The following MGLL variants were observed in gnomAD, a reference collection of about 807,000 sequenced individuals.
MGLL encodes lysophospholipase homolog.
Under a neutral mutation model 29.1 loss-of-function variants are expected in MGLL, and 7 were observed. The observed-to-expected ratio is 0.24, with a 90% CI of 0.14 to 0.45. MGLL has a LOEUF of 0.45. Ranked by LOEUF, MGLL falls within the 20% of genes least tolerant of loss-of-function variation. The pLI, the probability that MGLL is intolerant of heterozygous loss-of-function variation, is 0.99. For synonymous variants in MGLL, 148 were observed against 168.3 expected, an observed-to-expected ratio of 0.88 and a Z score of 0.93; for missense variants, 356 against 413.6, an observed-to-expected ratio of 0.86 and a Z score of 1.21.
At chr3:127,701,580 C>G (rs369269797) in intron 6 of MGLL, among the ~76,000 whole-genome samples, 1 of 152,126 alleles carries the variant, frequency 6.6e-6, no homozygotes, top group African/African-American at 2.4e-5. Context: ...CCATCCCTGC[C>G]CTCCCTTAAC....
At chr3:127,808,027 T>G (rs1398887936) in intron 2 of MGLL, among the ~76,000 whole-genome samples, 1 of 152,144 alleles carries the variant, frequency 6.6e-6, no homozygotes, top group African/African-American at 2.4e-5. Context: ...CCCAAAGTGC[T>G]GAGATTACAG....
intron 2 of MGLL, among the ~76,000 whole-genome samples, chr3:127,794,460 T>C (rs1398109199): frequency 6.6e-6 from 1 of 152,192 alleles, no homozygotes; most frequent in Non-Finnish European, 1.5e-5. Context: ...ATGTCTTATA[T>C]GATGTAAGGC....
chr3:127,698,020 G>A (rs956107488), intron 6 of MGLL, among the ~76,000 whole-genome samples: 2 of 152,224 alleles, frequency 1.3e-5, no homozygotes, highest in African/African-American at 4.8e-5. Flanking sequence ...CACAGCAGGC[G>A]CTCGGGGACT....
chr3:127,805,120 T>C (rs536568479), intron 2 of MGLL, among the ~76,000 whole-genome samples: 40 of 152,254 alleles, frequency 2.6e-4, no homozygotes, highest in Admixed American at 2.4e-3. Context: ...GTCAGAGAAG[T>C]GGTTTCCTGA....
intron 3 of MGLL, chr3:127,736,275 G>A: frequency 1.0e-6 from 1 of 985,728 alleles, no homozygotes; most frequent in Non-Finnish European, 1.2e-6. Flanking sequence ...TCTAGGATGT[G>A]AGATACTATA....
At chr3:127,756,253 T>G (rs1261143068) in intron 3 of MGLL, among the ~76,000 whole-genome samples, 1 of 152,206 alleles carries the variant, frequency 6.6e-6, no homozygotes, top group East Asian at 1.9e-4. Flanking sequence ...ATTCTGATAT[T>G]TTGGCATCTA....
chr3:127,692,000 C>A lies in MGLL; in HGVS notation c.*198G>T, dbSNP rs2075254491. 4.4e-6 allele frequency: 3 copies of A among 680,666 alleles called. No homozygotes were observed. The highest frequency in any genetic ancestry group is 1.8e-5 in the African/African-American group (1 of 55,212). The allele number at this position is 680,666 out of a possible 1,614,324, so 42.2% of individuals were successfully genotyped here. On this transcript the variant is annotated 3_prime_UTR_variant, in exon 8 of 8. Coordinates refer to ENST00000265052, the MANE Select transcript of MGLL (RefSeq NM_007283.7). Reference sequence around the variant, plus strand: ...CTCTTTTTTTGCATAAAGTGTCTAACCATTAAGGTAGGTCCAGTGTCTGAT... The same window carrying A: ...CTCTTTTTTTGCATAAAGTGTCTAAACATTAAGGTAGGTCCAGTGTCTGAT...
At chr3:127,704,222 T>G (rs1426763446) in intron 6 of MGLL, among the ~76,000 whole-genome samples, 1 of 152,158 alleles carries the variant, frequency 6.6e-6, no homozygotes, top group Non-Finnish European at 1.5e-5. Context: ...TATACAAAAA[T>G]TAACTCAAGG....
At chr3:127,695,333 A>T in intron 6 of MGLL, 143 bp from the exon 7 acceptor site, 1 of 794,658 alleles carries the variant, frequency 1.3e-6, no homozygotes, top group Non-Finnish European at 2.0e-6. Flanking sequence ...ATGGCTCTGA[A>T]GGCCAGCCGT....
At chr3:127,758,357 G>A (rs1347795698) in intron 3 of MGLL, among the ~76,000 whole-genome samples, 1 of 152,208 alleles carries the variant, frequency 6.6e-6, no homozygotes, top group East Asian at 1.9e-4. Context: ...AGGGACTTGT[G>A]TCTGTTTTGT....
At chr3:127,802,098 C>T (rs766126677) in intron 2 of MGLL, among the ~76,000 whole-genome samples, 1 of 152,152 alleles carries the variant, frequency 6.6e-6, no homozygotes, top group Admixed American at 6.5e-5. Flanking sequence ...AGCAGATGAG[C>T]ATATGCCAGG....
rs757947086 is a variant in MGLL, at chr3:127,822,330, G to C, written c.-12C>G. The C allele has an allele frequency of 3.7e-6, 6 of 1,613,580 alleles. No homozygotes were observed. Among genetic ancestry groups the C allele is most frequent in the Middle Eastern group, 1.6e-4 (1 of 6,084 alleles). On this transcript the variant is annotated 5_prime_UTR_variant, in exon 1 of 8. Coordinates refer to ENST00000265052, the MANE Select transcript of MGLL (RefSeq NM_007283.7). ...AAACCTGTTTCCATTATGTGCTGGC[G>C]TTTGCATTCCACAACCACGACAGCC...
In MGLL at chr3:127,798,031, T is replaced by C. The variant is rs2077413973; in HGVS notation, c.156-16136A>G. Among the ~76,000 whole-genome samples, 3 of 152,350 alleles carry C rather than the reference T, an allele frequency of 2.0e-5. No individual in the cohort carries two copies. The South Asian group carries it at 6.2e-4, about 32-fold the overall frequency. Reference sequence around the variant, plus strand: ...CAGCAAGGGGTGTGTGACATTTCATTGTGAAACAGATATATGTATTAAAAA... The same window carrying C: ...CAGCAAGGGGTGTGTGACATTTCATCGTGAAACAGATATATGTATTAAAAA... On this transcript the variant is annotated intron_variant, in intron 2 of 7. Coordinates refer to ENST00000265052, the MANE Select transcript of MGLL (RefSeq NM_007283.7).
chr3:127,730,507 C>T (rs928245582), intron 3 of MGLL, among the ~76,000 whole-genome samples: 14 of 152,186 alleles, frequency 9.2e-5, no homozygotes, highest in African/African-American at 2.7e-4. Context: ...TGCCCCAGTC[C>T]TTTAAGGCCC....
At chr3:127,714,623 C>T (rs757287943) in intron 5 of MGLL, among the ~76,000 whole-genome samples, 39 of 150,918 alleles carry the variant, frequency 2.6e-4, no homozygotes, top group East Asian at 1.4e-3. Context: ...CCAGTGAATG[C>T]GCACACAGGT....
At chr3:127,707,137 C>G (rs1399314504) in intron 6 of MGLL, among the ~76,000 whole-genome samples, 1 of 152,104 alleles carries the variant, frequency 6.6e-6, no homozygotes, top group Non-Finnish European at 1.5e-5. Flanking sequence ...GAAGGGCCTC[C>G]CAGGGTACTT....
In MGLL at chr3:127,822,441, C is replaced by G; in HGVS notation, c.-123G>C. ...GGAAGGCAGCTCCGAGCCCTCTTCC[C>G]GCACCCAGACCCTGCCTTTCGGGCT... is the stretch of plus-strand genomic sequence containing the variant. On this transcript the variant is annotated 5_prime_UTR_variant, in exon 1 of 8. Coordinates refer to ENST00000265052, the MANE Select transcript of MGLL (RefSeq NM_007283.7). 9.9e-7 allele frequency: 1 copy of G among 1,005,764 alleles called. No homozygotes were observed. The highest frequency in any genetic ancestry group is 1.9e-5 in the Admixed American group (1 of 51,480). 62.3% of individuals were successfully genotyped at this position (1,005,764 alleles called of 1,614,324 possible).
At chr3:127,768,740 C>G (rs1271423608) in intron 3 of MGLL, among the ~76,000 whole-genome samples, 1 of 152,204 alleles carries the variant, frequency 6.6e-6, no homozygotes, top group Non-Finnish European at 1.5e-5. Flanking sequence ...CCCTCCAGCT[C>G]TCCAAGCCCC....
intron 2 of MGLL, among the ~76,000 whole-genome samples, chr3:127,798,758 C>T (rs2077427258): frequency 6.6e-6 from 1 of 152,168 alleles, no homozygotes; most frequent in Admixed American, 6.5e-5. Context: ...GTGGCCTCTC[C>T]TCCACTCAGG....
Sources: gnomAD v4.1 joint callset for allele counts (sites outside exome capture counted in the v4.1 genomes callset) on GRCh38, gnomAD v4.1.1 for gene constraint, MANE v1.5 for transcripts, NCBI Gene and HGNC (gene_info 2026-07-23, HGNC 2026-07-21) for gene names.